Variants in SEMA3C observed in about 807,000 individuals in gnomAD.
SEMA3C encodes semaphorin-3C.
Under a neutral mutation model 89.4 loss-of-function variants are expected in SEMA3C, and 47 were observed. The ratio of observed to expected loss-of-function variants is 0.53; its 90% CI spans 0.42 to 0.67. The LOEUF is 0.67. Ranked by LOEUF, SEMA3C falls within the 30% of genes least tolerant of loss-of-function variation. SEMA3C has a pLI of 0.00. For synonymous variants in SEMA3C, 310 were observed against 320.2 expected (o/e 0.97, Z 0.34); for missense variants, 839 against 929.1 (o/e 0.90, Z 1.26).
At chr7:80,769,983 T>C (rs974323805) in intron 12 of SEMA3C, among the ~76,000 whole-genome samples, 2 of 152,120 alleles carry the variant, frequency 1.3e-5, no homozygotes, top group East Asian at 1.9e-4. Context: ...TTGGTCTTGA[T>C]GGTAATGAGT....
At chr7:80,843,926 T>C (rs1452207457) in intron 2 of SEMA3C, among the ~76,000 whole-genome samples, 4 of 136,536 alleles carry the variant, frequency 2.9e-5, no homozygotes, top group African/African-American at 8.5e-5. Flanking sequence ...ACTGAGAACA[T>C]ACAAAGTACC....
chr7:80,843,281 C>T (rs1008860330), intron 2 of SEMA3C, among the ~76,000 whole-genome samples: 4 of 152,142 alleles, frequency 2.6e-5, no homozygotes, highest in African/African-American at 7.2e-5. Flanking sequence ...TATCATTACA[C>T]ATTCTATGCA....
At chr7:80,824,528 T>C (rs899183353) in intron 4 of SEMA3C, among the ~76,000 whole-genome samples, 1 of 152,192 alleles carries the variant, frequency 6.6e-6, no homozygotes, top group African/African-American at 2.4e-5. Context: ...TACAACTTTT[T>C]CGAATTTCAG....
chr7:80,766,161 C>T (rs377131042), intron 12 of SEMA3C, among the ~76,000 whole-genome samples: 34 of 152,242 alleles, frequency 2.2e-4, no homozygotes, highest in Non-Finnish European at 3.7e-4. Flanking sequence ...GTGTGGACAC[C>T]TATTCATAGA....
In SEMA3C at chr7:80,743,965, T is replaced by G. The variant is rs181231226; in HGVS notation, c.*929A>C. 1.3e-5 allele frequency: 2 copies of G among 152,168 alleles called. No individual in the cohort carries two copies. The highest frequency in any genetic ancestry group is 3.9e-4 in the East Asian group (2 of 5,176). The allele number at this position is 152,168 out of a possible 1,614,324, so 9.4% of individuals were successfully genotyped here. ...TTTGTTATAAATTCCTCTTAAAAAA[T>G]TAGTAGTTTCTACTTTGATTTTTCT... is the stretch of plus-strand genomic sequence containing the variant. On this transcript the variant is annotated 3_prime_UTR_variant, in exon 18 of 18. Transcript: ENST00000265361.
chr7:80,759,577 C>T (rs936326469), intron 14 of SEMA3C, among the ~76,000 whole-genome samples: 1 of 152,166 alleles, frequency 6.6e-6, no homozygotes, highest in Non-Finnish European at 1.5e-5. Flanking sequence ...TTTTCCTCCA[C>T]ATAAAATGCT....
At chr7:80,892,787 C>T (rs1406434985) in intron 2 of SEMA3C, among the ~76,000 whole-genome samples, 1 of 152,080 alleles carries the variant, frequency 6.6e-6, no homozygotes, top group South Asian at 2.1e-4. Context: ...ACAAAAAATT[C>T]CTCTTTTAAA....
intron 2 of SEMA3C, among the ~76,000 whole-genome samples, chr7:80,836,209 T>A (rs1790121064): frequency 6.6e-6 from 1 of 152,164 alleles, no homozygotes; most frequent in African/African-American, 2.4e-5. Context: ...AGAGGCAGCA[T>A]GAAAATGGTA....
intron 12 of SEMA3C, among the ~76,000 whole-genome samples, chr7:80,784,282 A>AAAGAG (rs1554365022): frequency 2.6e-4 from 39 of 150,964 alleles, no homozygotes; most frequent in Admixed American, 8.6e-4. Flanking sequence ...AAAAAAAAAA[A>AAAGAG]AGAGAGATAA....
At chr7:80,818,185 G>T in intron 5 of SEMA3C, 114 bp downstream of exon 5, 1 of 987,760 alleles carries the variant, frequency 1.0e-6, no homozygotes, top group Non-Finnish European at 1.4e-6. Context: ...TGTATTTAAA[G>T]GGCATGAAAA....
chr7:80,918,127 A>G (rs547313131), intron 1 of SEMA3C, among the ~76,000 whole-genome samples: 1 of 152,284 alleles, frequency 6.6e-6, no homozygotes, highest in South Asian at 2.1e-4. Context: ...CCCTAAATTA[A>G]CTTAGAAAGA....
intron 5 of SEMA3C, among the ~76,000 whole-genome samples, chr7:80,816,922 T>C (rs1789621239): frequency 6.6e-6 from 1 of 152,228 alleles, no homozygotes; most frequent in Non-Finnish European, 1.5e-5. Flanking sequence ...ATAATTTTAT[T>C]TGAAATCTGT....
chr7:80,781,827 G>C (rs548991395), intron 12 of SEMA3C, among the ~76,000 whole-genome samples: 1 of 152,168 alleles, frequency 6.6e-6, no homozygotes, highest in Non-Finnish European at 1.5e-5. Context: ...GATGTGGTCT[G>C]ACTGTAATTG....
chr7:80,838,429 T>C (rs1790187072), intron 2 of SEMA3C, among the ~76,000 whole-genome samples: 1 of 152,228 alleles, frequency 6.6e-6, no homozygotes, highest in African/African-American at 2.4e-5. Context: ...AAAGCTAATG[T>C]AATCCTTCAT....
intron 2 of SEMA3C, among the ~76,000 whole-genome samples, chr7:80,871,835 A>G (rs776408501): frequency 1.3e-5 from 2 of 152,182 alleles, no homozygotes; most frequent in African/African-American, 2.4e-5. Context: ...TTTTTGGTCT[A>G]TGTTTATTAT....
chr7:80,811,632 T>C (rs938071859), intron 5 of SEMA3C, among the ~76,000 whole-genome samples: 2 of 152,106 alleles, frequency 1.3e-5, no homozygotes, highest in African/African-American at 4.8e-5. Context: ...TTGAAAGTTA[T>C]CCTGAAAGAA....
chr7:80,869,742 A>G (rs1411795076), intron 2 of SEMA3C, among the ~76,000 whole-genome samples: 1 of 152,136 alleles, frequency 6.6e-6, no homozygotes, highest in Non-Finnish European at 1.5e-5. Flanking sequence ...TTTGTTTAAC[A>G]GCATTTTTCT....
At chr7:80,858,064 T>C (rs569644758) in intron 2 of SEMA3C, among the ~76,000 whole-genome samples, 16 of 152,252 alleles carry the variant, frequency 1.1e-4, no homozygotes, top group African/African-American at 3.1e-4. Flanking sequence ...AAATTTACCT[T>C]AATATTTTTA....
chr7:80,779,248 C>T (rs1788634980), intron 12 of SEMA3C, among the ~76,000 whole-genome samples: 1 of 152,042 alleles, frequency 6.6e-6, no homozygotes, highest in Non-Finnish European at 1.5e-5. Context: ...CATTGGGTTG[C>T]TGTGTGGTTT....
Sources: allele counts gnomAD v4.1 joint callset (sites outside exome capture counted in the v4.1 genomes callset), GRCh38; gene constraint gnomAD v4.1.1; transcripts MANE v1.5; gene names NCBI Gene and HGNC (gene_info 2026-07-23, HGNC 2026-07-21).